The following MCU variants were observed in gnomAD, a reference collection of about 807,000 sequenced individuals.
MCU encodes the protein mitochondrial calcium uniporter.
In MCU, 12 loss-of-function variants were observed where a neutral mutation model predicts 45.2. The observed-to-expected ratio is 0.27, with a 90% confidence interval of 0.17 to 0.43. The LOEUF (loss-of-function observed/expected upper bound fraction) is 0.43. MCU is among the 20% of genes least tolerant of loss of function. The pLI, the probability that MCU is intolerant of heterozygous loss-of-function variation, is 1.00. For missense variants in MCU, 324 were observed against 436.7 expected, an observed-to-expected ratio of 0.74 and a Z score of 2.30; for synonymous variants, 160 against 165.1, an observed-to-expected ratio of 0.97 and a Z score of 0.24.
chr10:72,780,523 T>TGTGTGTGTGC (rs1169912774), intron 1 of MCU, among the ~76,000 whole-genome samples: 5 of 148,506 alleles, frequency 3.4e-5, no homozygotes, highest in Non-Finnish European at 6.0e-5. Context: ...TGTGTGTGTG[T>TGTGTGTGTGC]GTGTGTGTGT....
At chr10:72,829,816 A>T (rs1246436789) in intron 1 of MCU, among the ~76,000 whole-genome samples, 1 of 152,194 alleles carries the variant, frequency 6.6e-6, no homozygotes, top group Non-Finnish European at 1.5e-5. Context: ...TGTTGTTGCC[A>T]TATTTCAAGG....
chr10:72,813,374 T>C (rs1482181855), intron 1 of MCU, among the ~76,000 whole-genome samples: 1 of 150,088 alleles, frequency 6.7e-6, no homozygotes, highest in Non-Finnish European at 1.5e-5. Context: ...CCTTTAATTA[T>C]AGAAGGTAAT....
intron 1 of MCU, among the ~76,000 whole-genome samples, chr10:72,745,670 A>G (rs1843405544): frequency 6.6e-6 from 1 of 152,114 alleles, no homozygotes. Flanking sequence ...TTTACCATAT[A>G]TTATAATATG....
At chr10:72,762,239 A>G (rs1252629380) in intron 1 of MCU, among the ~76,000 whole-genome samples, 1 of 152,184 alleles carries the variant, frequency 6.6e-6, no homozygotes. Flanking sequence ...CAAAAACAAA[A>G]AAAGCCCAGG....
intron 1 of MCU, among the ~76,000 whole-genome samples, chr10:72,812,555 T>A (rs935218384): frequency 6.6e-6 from 1 of 152,010 alleles, no homozygotes; most frequent in Non-Finnish European, 1.5e-5. Flanking sequence ...ATGCAGAGAT[T>A]TAGTGGTTGA....
At chr10:72,695,228 A>G (rs1272983464) in intron 1 of MCU, among the ~76,000 whole-genome samples, 11 of 151,032 alleles carry the variant, frequency 7.3e-5, no homozygotes, top group Admixed American at 7.2e-4. Context: ...CTGAATTACT[A>G]CATCTTTTAC....
chr10:72,720,871 A>G (rs974513607), intron 1 of MCU, among the ~76,000 whole-genome samples: 1 of 152,162 alleles, frequency 6.6e-6, no homozygotes, highest in African/African-American at 2.4e-5. Flanking sequence ...TGGTTATTTG[A>G]GCTTCTTGAA....
intron 3 of MCU, among the ~76,000 whole-genome samples, chr10:72,859,843 C>T (rs1035176261): frequency 1.3e-5 from 2 of 151,750 alleles, no homozygotes; most frequent in African/African-American, 4.8e-5. Context: ...GTGTTTTCCC[C>T]ATTTTTACTT....
At chr10:72,858,766 T>C (rs1412947259) in intron 2 of MCU, among the ~76,000 whole-genome samples, 1 of 152,180 alleles carries the variant, frequency 6.6e-6, no homozygotes, top group Non-Finnish European at 1.5e-5. Flanking sequence ...CTTATTAGTG[T>C]ACTTCTTGAA....
intron 6 of MCU, among the ~76,000 whole-genome samples, chr10:72,873,254 G>A (rs1010795721): frequency 2.0e-5 from 3 of 151,858 alleles, no homozygotes; most frequent in Non-Finnish European, 4.4e-5. Flanking sequence ...TCCTGACCTC[G>A]TGATCCACCT....
chr10:72,796,943 A>T (rs962810857), intron 1 of MCU, among the ~76,000 whole-genome samples: 2 of 151,992 alleles, frequency 1.3e-5, no homozygotes, highest in African/African-American at 2.4e-5. Flanking sequence ...TTTTTAAAAA[A>T]TTTTTGCTAC....
At chr10:72,792,760 T>C (rs965491936) in intron 1 of MCU, among the ~76,000 whole-genome samples, 3 of 137,604 alleles carry the variant, frequency 2.2e-5, no homozygotes, top group Non-Finnish European at 4.6e-5. Flanking sequence ...TTAAATAATG[T>C]TAAGATCTTC....
chr10:72,872,017 A>G (rs1178411799), intron 6 of MCU, among the ~76,000 whole-genome samples: 1 of 152,226 alleles, frequency 6.6e-6, no homozygotes, highest in Non-Finnish European at 1.5e-5. Context: ...TACTTAAACT[A>G]AACTCAGAAA....
At chr10:72,806,733 C>T (rs144411625) in intron 1 of MCU, among the ~76,000 whole-genome samples, 2,030 of 152,218 alleles carry the variant, frequency 0.013, 21 homozygotes, top group Non-Finnish European at 0.022. Flanking sequence ...TGTTGAGCTA[C>T]TTTAGATTGA....
At chr10:72,696,275 TTA>T (rs1322126695) in intron 1 of MCU, among the ~76,000 whole-genome samples, 1 of 149,714 alleles carries the variant, frequency 6.7e-6, no homozygotes, top group Non-Finnish European at 1.5e-5. Context: ...AGAGCTAGTA[TTA>T]TATACGTAAG....
At chr10:72,754,514 G>A (rs1843546898) in intron 1 of MCU, among the ~76,000 whole-genome samples, 1 of 152,192 alleles carries the variant, frequency 6.6e-6, no homozygotes, top group African/African-American at 2.4e-5. Context: ...ACTTTGGGAG[G>A]CTAAGGCAGG....
intron 1 of MCU, among the ~76,000 whole-genome samples, chr10:72,772,801 A>C (rs767706361): frequency 1.3e-5 from 2 of 152,220 alleles, no homozygotes; most frequent in Admixed American, 6.5e-5. Context: ...GGAAATCATG[A>C]CCTTCCCAAA....
At chr10:72,812,604 T>G (rs1314331673) in intron 1 of MCU, among the ~76,000 whole-genome samples, 1 of 152,208 alleles carries the variant, frequency 6.6e-6, no homozygotes, top group Non-Finnish European at 1.5e-5. Context: ...TCAGGGATGG[T>G]CTCTAGTGAG....
intron 1 of MCU, among the ~76,000 whole-genome samples, chr10:72,702,108 T>C (rs1339081509): frequency 2.7e-5 from 4 of 147,326 alleles, no homozygotes. Context: ...CCAGTCATGG[T>C]TGGGGGGGAG....
Sources: gnomAD v4.1 joint callset for allele counts (sites outside exome capture counted in the v4.1 genomes callset) on GRCh38, gnomAD v4.1.1 for gene constraint, MANE v1.5 for transcripts, NCBI Gene and HGNC (gene_info 2026-07-23, HGNC 2026-07-21) for gene names.